Variants in GABRG3 observed in about 807,000 individuals in gnomAD.
The protein encoded by GABRG3 is gamma-aminobutyric acid receptor subunit gamma-3.
GABRG3 carries 25 observed loss-of-function variants against 48.8 expected under a neutral mutation model. The ratio of observed to expected loss-of-function variants is 0.51; its 90% CI spans 0.37 to 0.72. GABRG3 has a LOEUF of 0.72. Among genes scored for constraint, GABRG3 ranks in the 30% least tolerant of loss-of-function variants. The pLI is 0.00. For synonymous variants in GABRG3, 227 were observed against 217.6 expected, an observed-to-expected ratio of 1.04 and a Z score of -0.38; for missense variants, 394 against 577.9, an observed-to-expected ratio of 0.68 and a Z score of 3.26.
Position 27,480,681 on chromosome 15 carries a change from A to C in GABRG3, c.606A>C (p.Arg202Ser). 1.2e-6 allele frequency: 2 copies of C among 1,611,624 alleles called. No individual in the cohort carries two copies. The highest frequency in any genetic ancestry group is 1.7e-6 in the Non-Finnish European group (2 of 1,178,722). ...YGYPKEEMIY[R>S]WRKNSVEAAD... ...ATCCCAAAGAAGAAATGATTTATAG[A>C]TGGAGAAAAAATTCAGTGGAGGCAG... The change falls in exon 6 of 10, where the codon AGA becomes AGC. Residue 202 changes from arginine to serine, a missense_variant. By Grantham distance (110) the Arg-to-Ser change is moderately radical. Around this residue, in one of 3 missense-constraint regions of GABRG3, gnomAD observed 218 missense variants for 309.9 expected, o/e 0.70. Coordinates refer to ENST00000615808, the MANE Select transcript of GABRG3 (RefSeq NM_033223.5).
chr15:27,448,404 C>T (rs775264289), intron 5 of GABRG3, among the ~76,000 whole-genome samples: 8 of 152,134 alleles, frequency 5.3e-5, no homozygotes, highest in Non-Finnish European at 1.0e-4. Flanking sequence ...GGAGGAATCA[C>T]GTGTAAATGC....
At chr15:27,434,104 T>C (rs1444732240) in intron 5 of GABRG3, among the ~76,000 whole-genome samples, 1 of 152,234 alleles carries the variant, frequency 6.6e-6, no homozygotes, top group Admixed American at 6.5e-5. Context: ...ATGCAGCTGA[T>C]TTCTGGCTTC....
intron 3 of GABRG3, among the ~76,000 whole-genome samples, chr15:27,219,571 A>AT (rs1889383982): frequency 6.6e-6 from 1 of 151,926 alleles, no homozygotes; most frequent in South Asian, 2.1e-4. Context: ...GCAGCATCCC[A>AT]CCCCTCTGTC....
chr15:27,479,378 G>C (rs1890040681), intron 5 of GABRG3, among the ~76,000 whole-genome samples: 1 of 152,182 alleles, frequency 6.6e-6, no homozygotes, highest in Non-Finnish European at 1.5e-5. Context: ...TTAAGGGAGA[G>C]CATGTATCCC....
At chr15:27,297,722 GCTTTC>G (rs996205351) in intron 3 of GABRG3, among the ~76,000 whole-genome samples, 4 of 152,056 alleles carry the variant, frequency 2.6e-5, no homozygotes, top group Non-Finnish European at 5.9e-5. Flanking sequence ...CTATATAGTT[GCTTTC>G]CTTTCTTCTT....
intron 3 of GABRG3, among the ~76,000 whole-genome samples, chr15:27,201,112 T>G (rs1888666524): frequency 6.6e-6 from 1 of 152,124 alleles, no homozygotes; most frequent in South Asian, 2.1e-4. Flanking sequence ...GATAATGGTG[T>G]CTGCTTTGAT....
chr15:27,235,596 C>T lies in GABRG3; in HGVS notation c.271-91213C>T, dbSNP rs150394575. On this transcript the variant is annotated intron_variant, in intron 3 of 9. Transcript: ENST00000615808. ...AGGAAACATAATTTTCTCCTCCATC[C>T]TTCATGAGTTCTTAGCTGGGACTGC... 4.6e-5 allele frequency among the ~76,000 whole-genome samples: 7 copies of T among 152,282 alleles called. No individual in the cohort carries two copies. In the East Asian group the frequency reaches 1.2e-3, roughly 25 times the overall value.
Position 27,222,368 on chromosome 15 carries a change from A to G in GABRG3, c.271-104441A>G, listed in dbSNP as rs181307967. Among the ~76,000 whole-genome samples, 3 of 152,370 alleles carry G rather than the reference A, an allele frequency of 2.0e-5. No individual in the cohort carries two copies. In the East Asian group the frequency reaches 5.8e-4, roughly 29 times the overall value. On this transcript the variant is annotated intron_variant, in intron 3 of 9. Coordinates refer to ENST00000615808, the MANE Select transcript of GABRG3 (RefSeq NM_033223.5). ...CAAAGTGCTTAGAAGAGTACCTGAG[A>G]GATACTTAATACCAAATAAGTATTA...
intron 3 of GABRG3, among the ~76,000 whole-genome samples, chr15:27,118,908 G>A (rs184429631): frequency 1.3e-5 from 2 of 152,260 alleles, no homozygotes; most frequent in East Asian, 3.9e-4. Flanking sequence ...AGTTGACTGA[G>A]GGGATCAGTA....
At chr15:27,258,586 T>G (rs769177059) in intron 3 of GABRG3, among the ~76,000 whole-genome samples, 1 of 152,192 alleles carries the variant, frequency 6.6e-6, no homozygotes, top group Non-Finnish European at 1.5e-5. Flanking sequence ...ACTCTTTTGC[T>G]TAGCACTTTC....
chr15:27,137,746 GTGGT>G (rs1355348390), intron 3 of GABRG3, among the ~76,000 whole-genome samples: 3 of 152,204 alleles, frequency 2.0e-5, no homozygotes, highest in Admixed American at 6.5e-5. Context: ...CAAGGCACAT[GTGGT>G]TTTTCGTTTC....
At chr15:27,437,184 A>G (rs1173452720) in intron 5 of GABRG3, among the ~76,000 whole-genome samples, 1 of 149,086 alleles carries the variant, frequency 6.7e-6, no homozygotes, top group Non-Finnish European at 1.5e-5. Flanking sequence ...AGCTGCTTAG[A>G]GAAATTGAAA....
chr15:27,300,399 C>T (rs1232753700), intron 3 of GABRG3, among the ~76,000 whole-genome samples: 2 of 152,062 alleles, frequency 1.3e-5, no homozygotes, highest in Non-Finnish European at 2.9e-5. Context: ...CACGGTCACT[C>T]ACACCTGTAA....
intron 5 of GABRG3, among the ~76,000 whole-genome samples, chr15:27,349,658 C>A (rs1894489888): frequency 6.6e-6 from 1 of 152,280 alleles, no homozygotes; most frequent in Admixed American, 6.5e-5. Context: ...TGCAAACCTC[C>A]TAAGGGCATC....
intron 5 of GABRG3, among the ~76,000 whole-genome samples, chr15:27,427,159 TTG>T (rs1351601700): frequency 6.6e-6 from 1 of 152,228 alleles, no homozygotes; most frequent in Non-Finnish European, 1.5e-5. Flanking sequence ...CATTTTATAA[TTG>T]TGTTTTATAG....
At chr15:26,979,952 G>T (rs1895022144) in intron 2 of GABRG3, among the ~76,000 whole-genome samples, 1 of 152,082 alleles carries the variant, frequency 6.6e-6, no homozygotes, top group Non-Finnish European at 1.5e-5. Flanking sequence ...GAATTCTCCA[G>T]TGATACCCTC....
chr15:27,102,397 A>G (rs944773818), intron 3 of GABRG3, among the ~76,000 whole-genome samples: 3 of 152,212 alleles, frequency 2.0e-5, no homozygotes, highest in Admixed American at 6.5e-5. Flanking sequence ...TAGGAGGCCT[A>G]TTCCTTCTTA....
At chr15:27,212,242 A>G (rs1012582271) in intron 3 of GABRG3, among the ~76,000 whole-genome samples, 3 of 152,208 alleles carry the variant, frequency 2.0e-5, no homozygotes, top group Non-Finnish European at 4.4e-5. Context: ...AGTGGCATAC[A>G]TGTAATCTAC....
At chr15:27,426,534 G>A (rs111942560) in intron 5 of GABRG3, among the ~76,000 whole-genome samples, 1 of 152,092 alleles carries the variant, frequency 6.6e-6, no homozygotes, top group African/African-American at 2.4e-5. Flanking sequence ...GCCTTTCTTG[G>A]CCAGGCGTGG....
Sources: allele counts gnomAD v4.1 joint callset (sites outside exome capture counted in the v4.1 genomes callset), GRCh38; gene constraint gnomAD v4.1.1; regional missense constraint gnomAD v4.1.1; transcripts MANE v1.5; gene names NCBI Gene and HGNC (gene_info 2026-07-23, HGNC 2026-07-21).